The following UGT2A3 variants were observed in gnomAD, a reference collection of about 807,000 sequenced individuals.
The protein encoded by UGT2A3 is UDP glucuronosyltransferase family 2 member A3.
UGT2A3 carries 55 observed loss-of-function variants against 44.1 expected under a neutral mutation model. The ratio of observed to expected loss-of-function variants is 1.25; its 90% confidence interval spans 1.00 to 1.56. The LOEUF (loss-of-function observed/expected upper bound fraction) is 1.56, where lower values mean the gene tolerates loss of function less well. Among genes scored for constraint, UGT2A3 ranks in the 40% most tolerant of loss-of-function variants. The probability of loss-of-function intolerance (pLI) is 0.00; values close to 1 mark genes in which losing one functional copy is unlikely to be tolerated. For synonymous variants in UGT2A3, 243 were observed against 215.1 expected (o/e 1.13, Z -1.13); for missense variants, 733 against 621.6 (o/e 1.18, Z -1.91).
intron 1 of UGT2A3, among the ~76,000 whole-genome samples, chr4:68,949,824 TAATC>T (rs965014290): frequency 2.6e-5 from 4 of 151,828 alleles, no homozygotes; most frequent in Non-Finnish European, 5.9e-5. Context: ...AAATATATAA[TAATC>T]AATAATTTAG....
chr4:68,930,916 A>G (rs781593501), intron 4 of UGT2A3, 151 bp from the exon 5 acceptor site: 2 of 772,996 alleles, frequency 2.6e-6, no homozygotes, highest in African/African-American at 3.5e-5. Context: ...GCTACTAAAG[A>G]TCATTTCTAT....
intron 2 of UGT2A3, among the ~76,000 whole-genome samples, chr4:68,938,951 G>C (rs1718076306): frequency 6.6e-6 from 1 of 152,072 alleles, no homozygotes; most frequent in African/African-American, 2.4e-5. Flanking sequence ...ATTCACAATT[G>C]CTACAAACAG....
At position 68,929,590 on chromosome 4, in the gene UGT2A3, A is replaced by T. The variant is rs2109773457; in HGVS notation, c.*223T>A. On this transcript the variant is annotated 3_prime_UTR_variant, in exon 6 of 6. Coordinates refer to ENST00000251566, the MANE Select transcript of UGT2A3 (RefSeq NM_024743.4). ...GAAATAGGAAAATTTAGATGTATTC[A>T]TGTCCTTGTGTCACAAAGTGAGAGA... is the stretch of plus-strand genomic sequence containing the variant. The T allele has an allele frequency of 4.6e-6, 2 of 437,894 alleles. No individual in the cohort carries two copies. Among genetic ancestry groups the T allele is most frequent in the Non-Finnish European group, 8.2e-6 (2 of 244,932 alleles). 27.1% of individuals were successfully genotyped at this position (437,894 alleles called of 1,614,324 possible).
chr4:68,933,904 C>T (rs1375302382), intron 2 of UGT2A3, among the ~76,000 whole-genome samples: 1 of 151,990 alleles, frequency 6.6e-6, no homozygotes, highest in East Asian at 1.9e-4. Flanking sequence ...AAGCTCTCCT[C>T]AGAACAGAAA....
chr4:68,949,941 G>A (rs1288920614), intron 1 of UGT2A3, among the ~76,000 whole-genome samples: 2 of 151,780 alleles, frequency 1.3e-5, no homozygotes, highest in Non-Finnish European at 2.9e-5. Flanking sequence ...TGAATGCATG[G>A]CCAGAACCCA....
rs777725352 is a variant in UGT2A3 at position 68,932,712 on chromosome 4, C to T, written c.912G>A (p.Val304=). 18 of 1,611,724 alleles carry T rather than the reference C, an allele frequency of 1.1e-5. No individual in the cohort carries two copies. Among genetic ancestry groups the T allele is most frequent in the Non-Finnish European group, 1.5e-5 (18 of 1,178,592 alleles). ...VQSSGEDGIV[V]FSLGSLFQNV... is the part of the protein sequence containing the mutation. Reference sequence around the variant, plus strand: ...TTTGAAACAGTGACCCCAGAGAAAACACCACAATACCATCTTCCCCTGAAC... The same window carrying T: ...TTTGAAACAGTGACCCCAGAGAAAATACCACAATACCATCTTCCCCTGAAC... Residue 304 remains valine, a synonymous_variant, in exon 3 of 6, where the codon GTG becomes GTA. Coordinates refer to ENST00000251566, the MANE Select transcript of UGT2A3 (RefSeq NM_024743.4).
intron 2 of UGT2A3, among the ~76,000 whole-genome samples, chr4:68,934,704 T>A (rs917685462): frequency 2.0e-5 from 3 of 151,302 alleles, no homozygotes; most frequent in Non-Finnish European, 4.4e-5. Flanking sequence ...CTCTACAAAA[T>A]TTGAAATAAA....
rs140864354 is a variant in UGT2A3, at chr4:68,938,608, C to T, written c.865-5849G>A. Among the ~76,000 whole-genome samples, 650 of 152,158 alleles carry T rather than the reference C, an allele frequency of 4.3e-3. 5 individuals carry two copies. Among genetic ancestry groups the T allele is most frequent in the African/African-American group, 0.015 (625 of 41,508 alleles). On this transcript the variant is annotated intron_variant, in intron 2 of 5. Transcript: ENST00000251566. ...CATAGCCAATATCATACTGAGTGGGCAAAAACTGGAAGCATTCCCTTTGAA... is the reference window on the plus strand; with the variant it reads ...CATAGCCAATATCATACTGAGTGGGTAAAAACTGGAAGCATTCCCTTTGAA...
intron 2 of UGT2A3, among the ~76,000 whole-genome samples, chr4:68,932,977 G>A (rs756387235): frequency 3.3e-5 from 5 of 151,848 alleles, no homozygotes; most frequent in South Asian, 4.1e-4. Context: ...TAGAAAAGGC[G>A]CACAACCAAA....
intron 1 of UGT2A3, among the ~76,000 whole-genome samples, chr4:68,949,519 T>A (rs1718503290): frequency 6.6e-6 from 1 of 151,860 alleles, no homozygotes. Context: ...GATATAACAA[T>A]GAAAAATTTG....
At position 68,930,660 on chromosome 4, in the gene UGT2A3, T is replaced by TGATCACC. The variant is rs1366400627; in HGVS notation, c.1183_1189dup (p.Gln397ArgfsTer2). On this transcript the variant is annotated stop_gained and frameshift_variant, in exon 5 of 6. Transcript: ENST00000251566. LOFTEE classifies it high-confidence loss of function. ...CTTCATGTGAGCTATGTTATCAAGC[T>TGATCACC]GATCACCAAATATGGGAACTCCCAC... 6.2e-7 allele frequency: 1 copy of TGATCACC among 1,613,454 alleles called. No homozygotes were observed. Among genetic ancestry groups the TGATCACC allele is most frequent in the Non-Finnish European group, 8.5e-7 (1 of 1,179,694 alleles).
chr4:68,938,077 C>CAA (rs148579400), intron 2 of UGT2A3, among the ~76,000 whole-genome samples: 2 of 151,598 alleles, frequency 1.3e-5, no homozygotes, highest in South Asian at 4.2e-4. Flanking sequence ...TCCTACAAAC[C>CAA]AAAAAAAGTC....
intron 2 of UGT2A3, among the ~76,000 whole-genome samples, chr4:68,942,571 T>A (rs927025135): frequency 3.6e-4 from 51 of 141,768 alleles, no homozygotes; most frequent in South Asian, 6.6e-4. Flanking sequence ...ATCCATTTCA[T>A]TAAATATATA....
At position 68,928,698 on chromosome 4, in the gene UGT2A3, A is replaced by G. The variant is rs1357122564; in HGVS notation, c.*1115T>C. 2.0e-5 allele frequency: 3 copies of G among 151,918 alleles called. No individual in the cohort carries two copies. The highest frequency in any genetic ancestry group is 4.4e-5 in the Non-Finnish European group (3 of 67,918). 9.4% of individuals were successfully genotyped at this position (151,918 alleles called of 1,614,324 possible). On this transcript the variant is annotated 3_prime_UTR_variant, in exon 6 of 6. Coordinates refer to ENST00000251566, the MANE Select transcript of UGT2A3 (RefSeq NM_024743.4). The stretch of plus-strand genomic sequence containing the variant: ...ACAGTAAAAAAATGAGAAGATTAAC[A>G]TATTTGCTTATTAGTGTAAACATTA...
At position 68,929,739 on chromosome 4, in the gene UGT2A3, A is replaced by G. The variant is rs1717648720; in HGVS notation, c.*74T>C. ...CAGAATAGATAATATGAAAATAGCA[A>G]GGTTTTCACCAAATTCTATGTGGCT... is the stretch of plus-strand genomic sequence containing the variant. On this transcript the variant is annotated 3_prime_UTR_variant, in exon 6 of 6. Transcript: ENST00000251566. 15 of 1,323,348 alleles carry G rather than the reference A, an allele frequency of 1.1e-5. No individual in the cohort carries two copies. The East Asian group carries it at 3.5e-4, about 31-fold the overall frequency. The allele number at this position is 1,323,348 out of a possible 1,614,324, so 82.0% of individuals were successfully genotyped here. A position where few individuals can be genotyped will look rare whatever the true frequency, so the allele number is the denominator to read the frequency against.
chr4:68,939,531 T>C (rs1277912046), intron 2 of UGT2A3, among the ~76,000 whole-genome samples: 1 of 152,154 alleles, frequency 6.6e-6, no homozygotes. Flanking sequence ...TCTTACATCT[T>C]ATACAAAAAT....
chr4:68,945,880 C>T (rs1718368767), intron 1 of UGT2A3, among the ~76,000 whole-genome samples: 1 of 151,506 alleles, frequency 6.6e-6, no homozygotes, highest in Non-Finnish European at 1.5e-5. Flanking sequence ...AAATGAGTAC[C>T]ACAATATCTT....
chr4:68,949,382 C>T (rs1004417283), intron 1 of UGT2A3, among the ~76,000 whole-genome samples: 8 of 151,754 alleles, frequency 5.3e-5, no homozygotes, highest in East Asian at 3.9e-4. Flanking sequence ...AACGAATCAG[C>T]GGAGCAGTTA....
chr4:68,943,000 C>A (rs994121445), intron 2 of UGT2A3, among the ~76,000 whole-genome samples: 2 of 151,442 alleles, frequency 1.3e-5, no homozygotes, highest in Non-Finnish European at 1.5e-5. Context: ...TATTGTAATA[C>A]CACAGCATTT....
Sources: gnomAD v4.1 joint callset for allele counts (sites outside exome capture counted in the v4.1 genomes callset) on GRCh38, gnomAD v4.1.1 for gene constraint, MANE v1.5 for transcripts, NCBI Gene and HGNC (gene_info 2026-07-23, HGNC 2026-07-21) for gene names.